Variants in ANTXR2 observed in about 807,000 individuals in gnomAD.
The protein encoded by ANTXR2 is anthrax toxin receptor 2.
Under a neutral mutation model 73.7 loss-of-function variants are expected in ANTXR2, and 44 were observed. The ratio of observed to expected loss-of-function variants is 0.60; its 90% CI spans 0.47 to 0.77. The LOEUF (loss-of-function observed/expected upper bound fraction) is 0.77. Among genes scored for constraint, ANTXR2 ranks in the 30% least tolerant of loss-of-function variants. ANTXR2 has a pLI of 0.00. For synonymous variants in ANTXR2, 217 were observed against 205.9 expected (o/e 1.05, Z -0.46); for missense variants, 604 against 592.5 (o/e 1.02, Z -0.20).
chr4:79,993,744 C>CCACACA (rs370293519), intron 12 of ANTXR2, among the ~76,000 whole-genome samples: 4 of 73,008 alleles, frequency 5.5e-5, no homozygotes, highest in Admixed American at 1.9e-4. Context: ...TGGCAATACA[C>CCACACA]CACACACACA....
At position 80,055,381 on chromosome 4, in the gene ANTXR2, C is replaced by G; in HGVS notation, c.465G>C (p.Val155=). ...ALTDGKLDGL[V]PSYAEKEAKI... ...TCACCTCTTTCTCTGCATATGATGG[C>G]ACCAGACCGTCCAACTTGCCATCTG... is the stretch of plus-strand genomic sequence containing the variant. The change falls in exon 5 of 17, where the codon GTG becomes GTC. Residue 155 remains valine, a synonymous_variant. Coordinates refer to ENST00000403729, the MANE Select transcript of ANTXR2 (RefSeq NM_058172.6). The G allele has an allele frequency of 6.2e-7, 1 of 1,610,904 alleles. No homozygotes were observed. The highest frequency in any genetic ancestry group is 8.5e-7 in the Non-Finnish European group (1 of 1,178,186).
chr4:80,037,676 A>AAC (rs1733041884), intron 7 of ANTXR2, among the ~76,000 whole-genome samples: 1 of 152,162 alleles, frequency 6.6e-6, no homozygotes, highest in African/African-American at 2.4e-5. Flanking sequence ...GTTAAAGGTT[A>AAC]ATGTGCCCTC....
chr4:80,065,882 T>C (rs73829354), intron 3 of ANTXR2, among the ~76,000 whole-genome samples: 163 of 152,346 alleles, frequency 1.1e-3, no homozygotes, highest in African/African-American at 3.6e-3. Context: ...TAACCTTTGC[T>C]TTCCTCACAC....
At chr4:79,982,753 G>C (rs1238116427) in intron 14 of ANTXR2, among the ~76,000 whole-genome samples, 1 of 152,136 alleles carries the variant, frequency 6.6e-6, no homozygotes, top group Non-Finnish European at 1.5e-5. Flanking sequence ...TGCCTCAGAG[G>C]ATATTTCAAC....
intron 10 of ANTXR2, among the ~76,000 whole-genome samples, chr4:80,027,609 G>A (rs1164994983): frequency 6.6e-6 from 1 of 152,150 alleles, no homozygotes; most frequent in African/African-American, 2.4e-5. Context: ...TCTGGCCAAT[G>A]TTTTTGAAAG....
intron 3 of ANTXR2, among the ~76,000 whole-genome samples, chr4:80,067,426 G>T (rs1034511058): frequency 6.6e-6 from 1 of 152,166 alleles, no homozygotes; most frequent in South Asian, 2.1e-4. Context: ...CAAAGAACCT[G>T]GCACAATGTT....
intron 12 of ANTXR2, among the ~76,000 whole-genome samples, chr4:79,993,635 T>C (rs1350322972): frequency 1.3e-5 from 2 of 151,870 alleles, no homozygotes; most frequent in African/African-American, 4.8e-5. Flanking sequence ...ATTCAGTCCA[T>C]TGGCAAGGAA....
At chr4:80,061,284 CTGTGTGTGTGTG>C (rs60730236) in intron 3 of ANTXR2, among the ~76,000 whole-genome samples, 2 of 149,076 alleles carry the variant, frequency 1.3e-5, no homozygotes, top group African/African-American at 2.5e-5. Context: ...GTGTGTGCCT[CTGTGTGTGTGTG>C]TGTGTGTGTG....
At chr4:79,958,069 C>A (rs1227652417) in intron 16 of ANTXR2, among the ~76,000 whole-genome samples, 1 of 151,504 alleles carries the variant, frequency 6.6e-6, no homozygotes, top group African/African-American at 2.4e-5. Flanking sequence ...ATCTTTTTTC[C>A]TTTTCTTTTC....
chr4:80,041,616 C>T (rs1216522556), intron 7 of ANTXR2, among the ~76,000 whole-genome samples: 1 of 152,050 alleles, frequency 6.6e-6, no homozygotes, highest in Non-Finnish European at 1.5e-5. Context: ...TGTTCTCTCT[C>T]TCCCCACCCC....
intron 16 of ANTXR2, among the ~76,000 whole-genome samples, chr4:79,921,474 T>C (rs1443383747): frequency 3.9e-5 from 6 of 152,064 alleles, no homozygotes; most frequent in Non-Finnish European, 8.8e-5. Flanking sequence ...TACTTAAAAA[T>C]GTCCATAGCT....
intron 16 of ANTXR2, among the ~76,000 whole-genome samples, chr4:79,966,181 C>A (rs1729355854): frequency 6.8e-6 from 1 of 146,068 alleles, no homozygotes. Flanking sequence ...TCATTTTCTC[C>A]TTTCTTGAAG....
chr4:79,962,020 T>C (rs1729164407), intron 16 of ANTXR2, among the ~76,000 whole-genome samples: 1 of 152,298 alleles, frequency 6.6e-6, no homozygotes, highest in Non-Finnish European at 1.5e-5. Flanking sequence ...AAAAAAAATA[T>C]ATTTTTTGGT....
chr4:79,936,298 A>C (rs568749088), intron 16 of ANTXR2, among the ~76,000 whole-genome samples: 4 of 150,488 alleles, frequency 2.7e-5, no homozygotes, highest in Non-Finnish European at 5.9e-5. Flanking sequence ...TAAATGACAA[A>C]ATGCTATTTA....
intron 10 of ANTXR2, among the ~76,000 whole-genome samples, chr4:80,025,961 T>C (rs1250576430): frequency 6.6e-6 from 1 of 152,196 alleles, no homozygotes; most frequent in Non-Finnish European, 1.5e-5. Context: ...GCACTAAAAA[T>C]AAGCACTTTC....
chr4:80,042,698 C>T (rs1733325032), intron 7 of ANTXR2, among the ~76,000 whole-genome samples: 1 of 151,886 alleles, frequency 6.6e-6, no homozygotes, highest in Admixed American at 6.6e-5. Context: ...GTTTGTTAAG[C>T]TATGAAAAAT....
At chr4:80,064,445 G>A (rs1255773188) in intron 3 of ANTXR2, among the ~76,000 whole-genome samples, 1 of 152,156 alleles carries the variant, frequency 6.6e-6, no homozygotes, top group Non-Finnish European at 1.5e-5. Context: ...AGCATCTACT[G>A]AGCATCAGGC....
At chr4:80,025,616 T>C (rs539760460) in intron 10 of ANTXR2, among the ~76,000 whole-genome samples, 2 of 152,318 alleles carry the variant, frequency 1.3e-5, no homozygotes, top group East Asian at 3.9e-4. Flanking sequence ...CAAGTGATAC[T>C]ATTTAATGTT....
rs1172628011 is a variant in ANTXR2, at chr4:79,903,063, C to T, written c.*4366G>A. 6.6e-6 allele frequency: 1 copy of T among 151,506 alleles called. No individual in the cohort carries two copies. The highest frequency in any genetic ancestry group is 1.5e-5 in the Non-Finnish European group (1 of 68,032). The allele number at this position is 151,506 out of a possible 1,614,324, so 9.4% of individuals were successfully genotyped here. A position where few individuals can be genotyped will look rare whatever the true frequency, so the allele number is the denominator to read the frequency against. On this transcript the variant is annotated 3_prime_UTR_variant, in exon 17 of 17. Transcript: ENST00000403729. The stretch of plus-strand genomic sequence containing the variant: ...ACTCAGGAGGCTGAGGGATGAGAAT[C>T]ACTTGAACCCAGGAAGAGGAGGTTA...
Sources: gnomAD v4.1 joint callset for allele counts (sites outside exome capture counted in the v4.1 genomes callset) on GRCh38, gnomAD v4.1.1 for gene constraint, MANE v1.5 for transcripts, NCBI Gene and HGNC (gene_info 2026-07-23, HGNC 2026-07-21) for gene names.